The following PHACTR1 variants were observed in gnomAD, a reference collection of about 807,000 sequenced individuals.
PHACTR1 encodes phosphatase and actin regulator 1.
In PHACTR1, 16 loss-of-function variants were observed where a neutral mutation model predicts 69.2. The ratio of observed to expected loss-of-function variants is 0.23; its 90% CI spans 0.16 to 0.35. PHACTR1 has a LOEUF of 0.35. PHACTR1 is among the 10% of genes least tolerant of loss of function. The pLI is 1.00. For missense variants in PHACTR1, 510 were observed against 734.7 expected (o/e 0.69, Z 3.54); for synonymous variants, 312 against 284.5 (o/e 1.10, Z -0.97).
chr6:12,831,150 A>G (rs991654577), intron 4 of PHACTR1, among the ~76,000 whole-genome samples: 4 of 152,238 alleles, frequency 2.6e-5, no homozygotes, highest in African/African-American at 9.6e-5. Flanking sequence ...TTTTCTTATT[A>G]AAAATCATTG....
chr6:13,188,775 C>G (rs1005197792), intron 7 of PHACTR1, among the ~76,000 whole-genome samples: 1 of 152,252 alleles, frequency 6.6e-6, no homozygotes, highest in African/African-American at 2.4e-5. Context: ...AAATCTCCTT[C>G]CATCTCACCT....
At chr6:13,079,201 A>G (rs114091961) in intron 5 of PHACTR1, among the ~76,000 whole-genome samples, 2,332 of 152,198 alleles carry the variant, frequency 0.015, 70 homozygotes, top group African/African-American at 0.053. Flanking sequence ...GGCAATGCCA[A>G]CTCATGGAGA....
intron 4 of PHACTR1, among the ~76,000 whole-genome samples, chr6:13,045,550 C>T (rs1356449249): frequency 1.3e-5 from 2 of 152,206 alleles, no homozygotes; most frequent in African/African-American, 2.4e-5. Context: ...ACCAGTAGAG[C>T]CACCCTCTTG....
At chr6:13,089,616 A>G (rs1297674295) in intron 5 of PHACTR1, among the ~76,000 whole-genome samples, 1 of 152,232 alleles carries the variant, frequency 6.6e-6, no homozygotes, top group East Asian at 1.9e-4. Context: ...CCAAAAAATA[A>G]TGAACTCATT....
chr6:13,248,026 C>T (rs1057166146), intron 10 of PHACTR1, among the ~76,000 whole-genome samples: 3 of 152,226 alleles, frequency 2.0e-5, no homozygotes, highest in Admixed American at 6.5e-5. Context: ...AATTACTCGG[C>T]ACTGCCTTTA....
In PHACTR1 at chr6:13,199,383, CAAAAAAAAAAAAA is replaced by C. The variant is rs59070503; in HGVS notation, c.665-6415_665-6403del. ...TGGGCGACAAAGTGAGAGTCCATCTCAAAAAAAAAAAAAAAAAAAAAAAAAAAAACATTGGCAT... is the reference window on the plus strand; with the variant it reads ...TGGGCGACAAAGTGAGAGTCCATCTCAAAAAAAAAAAAAAAACATTGGCAT... On this transcript the variant is annotated intron_variant, in intron 7 of 14. Transcript: ENST00000332995. Among the ~76,000 whole-genome samples, 11 of 78,250 alleles carry C rather than the reference CAAAAAAAAAAAAA, an allele frequency of 1.4e-4. No homozygotes were observed. The East Asian group carries it at 1.6e-3, about 11-fold the overall frequency. 51.3% of individuals were successfully genotyped at this position (78,250 alleles called of 152,430 possible). A position where few individuals can be genotyped will look rare whatever the true frequency, so the allele number is the denominator to read the frequency against.
rs554883080 is a variant in PHACTR1 at position 12,952,812 on chromosome 6, A to T, written c.251-100553A>T. Among the ~76,000 whole-genome samples the T allele has an allele frequency of 3.3e-5, 5 of 152,304 alleles. No homozygotes were observed. The South Asian group carries it at 8.3e-4, about 25-fold the overall frequency. The stretch of plus-strand genomic sequence containing the variant: ...AATTGTCTTCCAAAGTGTCTGTACC[A>T]TTTTGAGTCCCCACCAGCAATAAAT... On this transcript the variant is annotated intron_variant, in intron 4 of 14. Coordinates refer to ENST00000332995, the MANE Select transcript of PHACTR1 (RefSeq NM_030948.6).
intron 4 of PHACTR1, among the ~76,000 whole-genome samples, chr6:12,778,890 T>TC (rs553693974): frequency 5.3e-4 from 81 of 151,908 alleles, no homozygotes; most frequent in African/African-American, 1.8e-3. Context: ...TAGAAAAGGG[T>TC]CCCCCCTCCC....
chr6:13,142,813 A>G (rs1426727781), intron 5 of PHACTR1, among the ~76,000 whole-genome samples: 1 of 150,862 alleles, frequency 6.6e-6, no homozygotes, highest in African/African-American at 2.4e-5. Context: ...GCTTTGTAGT[A>G]AATACTAAAA....
intron 4 of PHACTR1, among the ~76,000 whole-genome samples, chr6:12,821,596 T>C (rs1472812411): frequency 6.6e-6 from 1 of 152,086 alleles, no homozygotes; most frequent in Non-Finnish European, 1.5e-5. Context: ...CTCCAATGTG[T>C]AGTCAGTCAT....
chr6:12,867,415 A>T (rs963356833), intron 4 of PHACTR1, among the ~76,000 whole-genome samples: 5 of 152,216 alleles, frequency 3.3e-5, no homozygotes, highest in Middle Eastern at 3.2e-3. Flanking sequence ...CCTATTTGTT[A>T]TGCTCTTTTC....
rs1161324144 is a variant in PHACTR1, at chr6:12,955,192, C to CTTT, written c.251-98155_251-98153dup. Among the ~76,000 whole-genome samples the CTTT allele has an allele frequency of 2.8e-4, 29 of 103,282 alleles. 2 individuals carry two copies. Among genetic ancestry groups the CTTT allele is most frequent in the African/African-American group, 7.2e-4 (14 of 19,526 alleles). 67.8% of individuals were successfully genotyped at this position (103,282 alleles called of 152,430 possible). A position where few individuals can be genotyped will look rare whatever the true frequency, so the allele number is the denominator to read the frequency against. ...ATCTATGGCTCACATTGTATTTCCT[C>CTTT]TTTTTTTTTTTTTTTTTTTTGAGAG... On this transcript the variant is annotated intron_variant, in intron 4 of 14. Transcript: ENST00000332995.
chr6:13,133,497 G>T (rs1191111071), intron 5 of PHACTR1, among the ~76,000 whole-genome samples: 2 of 152,014 alleles, frequency 1.3e-5, no homozygotes, highest in Non-Finnish European at 1.5e-5. Context: ...GGGTTTCGCC[G>T]TGTTGGCCGG....
intron 5 of PHACTR1, among the ~76,000 whole-genome samples, chr6:13,124,175 G>GC (rs2127951607): frequency 6.6e-6 from 1 of 152,300 alleles, no homozygotes; most frequent in South Asian, 2.1e-4. Context: ...CCTCCCCACA[G>GC]CATTTTAACC....
intron 4 of PHACTR1, among the ~76,000 whole-genome samples, chr6:12,811,886 T>G (rs765217234): frequency 1.3e-5 from 2 of 152,156 alleles, no homozygotes; most frequent in African/African-American, 2.4e-5. Context: ...CGTGGTAAGA[T>G]TTCATTAAGG....
At chr6:12,819,419 T>A (rs1217819715) in intron 4 of PHACTR1, among the ~76,000 whole-genome samples, 2 of 152,198 alleles carry the variant, frequency 1.3e-5, no homozygotes, top group Non-Finnish European at 2.9e-5. Flanking sequence ...CTCTCATATA[T>A]TTCAACCACA....
chr6:13,271,030 A>C (rs1024679850), intron 10 of PHACTR1, among the ~76,000 whole-genome samples: 9 of 136,696 alleles, frequency 6.6e-5, no homozygotes, highest in South Asian at 4.8e-4. Flanking sequence ...TTTTTTTTTG[A>C]GACAGTCTCA....
intron 4 of PHACTR1, among the ~76,000 whole-genome samples, chr6:12,803,778 G>C (rs1773975910): frequency 6.6e-6 from 1 of 152,132 alleles, no homozygotes; most frequent in South Asian, 2.1e-4. Flanking sequence ...AGCATCTCTG[G>C]CCTCTACAGA....
chr6:12,848,858 G>A (rs925207291), intron 4 of PHACTR1, among the ~76,000 whole-genome samples: 1 of 151,328 alleles, frequency 6.6e-6, no homozygotes, highest in Non-Finnish European at 1.5e-5. Flanking sequence ...TAAATTCTTG[G>A]ATTAATGGCT....
Sources: allele counts gnomAD v4.1 joint callset (sites outside exome capture counted in the v4.1 genomes callset), GRCh38; gene constraint gnomAD v4.1.1; transcripts MANE v1.5; gene names NCBI Gene and HGNC (gene_info 2026-07-23, HGNC 2026-07-21).